The following SULT4A1 variants were observed in gnomAD, a reference collection of about 807,000 sequenced individuals.
The protein encoded by SULT4A1 is sulfotransferase family 4A member 1, also known as sulfotransferase 4A1.
Under a neutral mutation model 35.2 loss-of-function variants are expected in SULT4A1, and 11 were observed. The observed-to-expected ratio is 0.31, with a 90% CI of 0.20 to 0.52. The LOEUF (loss-of-function observed/expected upper bound fraction) is 0.52. Ranked by LOEUF, SULT4A1 falls within the 20% of genes least tolerant of loss-of-function variation. SULT4A1 has a pLI of 0.97. For missense variants in SULT4A1, 271 were observed against 383.7 expected (o/e 0.71, Z 2.45); for synonymous variants, 152 against 151.8 (o/e 1.00, Z -0.01).
At chr22:43,850,580 G>C (rs544475161) in intron 1 of SULT4A1, among the ~76,000 whole-genome samples, 1 of 152,284 alleles carries the variant, frequency 6.6e-6, no homozygotes, top group African/African-American at 2.4e-5. Flanking sequence ...TTTGCTGCTT[G>C]GGGACATGCC....
intron 4 of SULT4A1, among the ~76,000 whole-genome samples, chr22:43,837,817 C>T (rs1162466024): frequency 2.0e-5 from 3 of 152,212 alleles, no homozygotes; most frequent in Admixed American, 6.5e-5. Flanking sequence ...GAGGGCATTA[C>T]GTTCCAGGAT....
rs561123392 is a variant in SULT4A1, at chr22:43,831,941, C to T, written c.603+1699G>A. Among the ~76,000 whole-genome samples, 4 of 152,356 alleles carry T rather than the reference C, an allele frequency of 2.6e-5. No homozygotes were observed. The South Asian group carries it at 8.3e-4, about 32-fold the overall frequency. ...CAAAAAGGTACACACCAGGCGGGCCCGTGCCAGGCCTGCACGTAGGTGATG... is the reference window on the plus strand; with the variant it reads ...CAAAAAGGTACACACCAGGCGGGCCTGTGCCAGGCCTGCACGTAGGTGATG... On this transcript the variant is annotated intron_variant, in intron 5 of 6. Coordinates refer to ENST00000330884, the MANE Select transcript of SULT4A1 (RefSeq NM_014351.4).
chr22:43,839,130 A>G, intron 3 of SULT4A1, 137 bp from the exon 4 acceptor site: 2 of 1,181,756 alleles, frequency 1.7e-6, no homozygotes, highest in South Asian at 1.5e-5. Context: ...GCTGGGGCCC[A>G]TGTGCACGGC....
intron 1 of SULT4A1, among the ~76,000 whole-genome samples, chr22:43,851,788 G>C (rs2049344362): frequency 6.6e-6 from 1 of 152,186 alleles, no homozygotes; most frequent in Non-Finnish European, 1.5e-5. Flanking sequence ...GGTCCCCGAA[G>C]AAGAAAACTG....
In SULT4A1 at chr22:43,856,939, C is replaced by T. The variant is rs371384623; in HGVS notation, c.169+5275G>A. 1.8e-4 allele frequency among the ~76,000 whole-genome samples: 28 copies of T among 152,222 alleles called. No homozygotes were observed. The South Asian group carries it at 4.8e-3, about 26-fold the overall frequency. On this transcript the variant is annotated intron_variant, in intron 1 of 6. Transcript: ENST00000330884. ...AAAGGTACTATTCACAAAAAAGGCA[C>T]ACGCGCACACACACAAACAAAACTG...
At chr22:43,850,167 C>A (rs1463747523) in intron 1 of SULT4A1, among the ~76,000 whole-genome samples, 2 of 152,194 alleles carry the variant, frequency 1.3e-5, no homozygotes, top group Admixed American at 1.3e-4. Context: ...TCCTCTAATC[C>A]CACTCCCCGG....
intron 6 of SULT4A1, among the ~76,000 whole-genome samples, chr22:43,827,990 T>G (rs1323437455): frequency 6.6e-6 from 1 of 152,208 alleles, no homozygotes; most frequent in Non-Finnish European, 1.5e-5. Flanking sequence ...ACTTTGCACT[T>G]GACCTTCAAA....
At chr22:43,830,227 C>T (rs2063315904) in intron 5 of SULT4A1, among the ~76,000 whole-genome samples, 1 of 152,186 alleles carries the variant, frequency 6.6e-6, no homozygotes, top group African/African-American at 2.4e-5. Context: ...CCTTGCCCTG[C>T]CACCAAGAAC....
intron 1 of SULT4A1, among the ~76,000 whole-genome samples, chr22:43,861,178 C>A (rs1474502705): frequency 6.6e-6 from 1 of 152,204 alleles, no homozygotes; most frequent in East Asian, 1.9e-4. Flanking sequence ...CTACTCCAAT[C>A]TTCCTCAGAA....
intron 1 of SULT4A1, among the ~76,000 whole-genome samples, chr22:43,858,629 T>C (rs141907210): frequency 0.016 from 2,434 of 152,220 alleles, 29 homozygotes; most frequent in Non-Finnish European, 0.022. Context: ...TTACCCTGTG[T>C]GGTAAAGCTC....
intron 5 of SULT4A1, among the ~76,000 whole-genome samples, chr22:43,830,149 A>G (rs1212160386): frequency 6.6e-6 from 1 of 152,188 alleles, no homozygotes; most frequent in African/African-American, 2.4e-5. Flanking sequence ...TCCCGGGCGC[A>G]GGGCTTGACT....
intron 1 of SULT4A1, among the ~76,000 whole-genome samples, chr22:43,846,212 C>T (rs1223490877): frequency 1.3e-5 from 2 of 152,226 alleles, no homozygotes; most frequent in Non-Finnish European, 2.9e-5. Flanking sequence ...GGAGCCTCCT[C>T]ACTCCCTGAC....
At chr22:43,844,691 G>A (rs2063460983) in intron 1 of SULT4A1, among the ~76,000 whole-genome samples, 1 of 152,178 alleles carries the variant, frequency 6.6e-6, no homozygotes, top group African/African-American at 2.4e-5. Flanking sequence ...TCTCCGCTCT[G>A]CCTGTATGCT....
chr22:43,862,382 TGCCGCC>T lies in SULT4A1; in HGVS notation c.-6_-1del. 1 of 1,333,530 alleles carries T rather than the reference TGCCGCC, an allele frequency of 7.5e-7. No individual in the cohort carries two copies. Among genetic ancestry groups the T allele is most frequent in the Non-Finnish European group, 9.8e-7 (1 of 1,021,876 alleles). The allele number at this position is 1,333,530 out of a possible 1,614,324, so 82.6% of individuals were successfully genotyped here. ...GGGGTCTCGGCCTCGCTCTCCGCCATGCCGCCGCCGTCGCCGTCGCCGCCGCCGCCT... is the reference window on the plus strand; with the variant it reads ...GGGGTCTCGGCCTCGCTCTCCGCCATGCCGTCGCCGTCGCCGCCGCCGCCT... On this transcript the variant is annotated 5_prime_UTR_variant, in exon 1 of 7. Transcript: ENST00000330884.
chr22:43,830,205 G>A (rs2063315860), intron 5 of SULT4A1, among the ~76,000 whole-genome samples: 1 of 152,202 alleles, frequency 6.6e-6, no homozygotes, highest in Admixed American at 6.5e-5. Flanking sequence ...AAGGAATACA[G>A]AGCTCCCTTT....
At chr22:43,855,671 C>T (rs1046392333) in intron 1 of SULT4A1, among the ~76,000 whole-genome samples, 9 of 152,194 alleles carry the variant, frequency 5.9e-5, no homozygotes, top group Admixed American at 5.2e-4. Context: ...CACAGTCACA[C>T]TGTGCAACAT....
intron 1 of SULT4A1, among the ~76,000 whole-genome samples, chr22:43,849,218 G>C (rs1016580859): frequency 1.3e-5 from 2 of 152,140 alleles, no homozygotes; most frequent in Non-Finnish European, 2.9e-5. Context: ...GAAACCACTA[G>C]GACCCTGTGG....
At chr22:43,861,972 C>T (rs1489077236) in intron 1 of SULT4A1, among the ~76,000 whole-genome samples, 2 of 152,206 alleles carry the variant, frequency 1.3e-5, no homozygotes, top group African/African-American at 4.8e-5. Context: ...ACGGAAGGGG[C>T]CGCTCCCGAA....
intron 1 of SULT4A1, among the ~76,000 whole-genome samples, chr22:43,851,525 G>A (rs1300119208): frequency 6.6e-6 from 1 of 152,166 alleles, no homozygotes; most frequent in Non-Finnish European, 1.5e-5. Context: ...AGCAGCCTTG[G>A]TGCTTTCACA....
Sources: allele counts gnomAD v4.1 joint callset (sites outside exome capture counted in the v4.1 genomes callset), GRCh38; gene constraint gnomAD v4.1.1; transcripts MANE v1.5; gene names NCBI Gene and HGNC (gene_info 2026-07-23, HGNC 2026-07-21).